The following BORCS5 variants were observed in gnomAD, a reference collection of about 807,000 sequenced individuals.
BORCS5 encodes the protein BLOC-1-related complex subunit 5.
In BORCS5, 17 loss-of-function variants were observed where a neutral mutation model predicts 22.1. The observed-to-expected ratio is 0.77, with a 90% CI of 0.53 to 1.15. BORCS5 has a LOEUF of 1.15. Among genes scored for constraint, BORCS5 ranks in the 50% most tolerant of loss-of-function variants. BORCS5 has a pLI of 0.00. For synonymous variants in BORCS5, 117 were observed against 99.8 expected, an observed-to-expected ratio of 1.17 and a Z score of -1.03; for missense variants, 247 against 253.2, an observed-to-expected ratio of 0.98 and a Z score of 0.17.
chr12:12,434,364 A>G (rs1185159467), intron 2 of BORCS5, among the ~76,000 whole-genome samples: 1 of 150,346 alleles, frequency 6.7e-6, no homozygotes, highest in Non-Finnish European at 1.5e-5. Flanking sequence ...CTTGTGCTGT[A>G]GCATTGGCTC....
intron 2 of BORCS5, among the ~76,000 whole-genome samples, chr12:12,429,725 G>T (rs2136117103): frequency 6.6e-6 from 1 of 152,306 alleles, no homozygotes. Flanking sequence ...AGAGGTAGAA[G>T]TGAGAGTTTT....
At chr12:12,389,936 G>A (rs1357361708) in intron 2 of BORCS5, among the ~76,000 whole-genome samples, 2 of 152,058 alleles carry the variant, frequency 1.3e-5, no homozygotes, top group Admixed American at 6.6e-5. Flanking sequence ...GAGGCACTGC[G>A]CCTGGCCTCA....
chr12:12,391,197 C>G (rs1007695232), intron 2 of BORCS5, among the ~76,000 whole-genome samples: 31 of 152,028 alleles, frequency 2.0e-4, no homozygotes, highest in African/African-American at 6.8e-4. Flanking sequence ...TTGGCCTCAA[C>G]CTTACTCAAG....
At chr12:12,435,823 G>A in intron 3 of BORCS5, 38 bp downstream of exon 3, 1 of 1,588,864 alleles carries the variant, frequency 6.3e-7, no homozygotes, top group Non-Finnish European at 8.6e-7. Context: ...CTGACTGGTT[G>A]TTGTGATTCT....
Position 12,427,018 on chromosome 12 carries a change from C to T in BORCS5, c.203-8610C>T, listed in dbSNP as rs542788520. On this transcript the variant is annotated intron_variant, in intron 2 of 3. Coordinates refer to ENST00000314565, the MANE Select transcript of BORCS5 (RefSeq NM_058169.6). ...TGCCGTTGCCCCCTCGAGGTTAGCACTCCTCTGAGGTCACAGGGTGGGGAT... is the reference window on the plus strand; with the variant it reads ...TGCCGTTGCCCCCTCGAGGTTAGCATTCCTCTGAGGTCACAGGGTGGGGAT... Among the ~76,000 whole-genome samples the T allele has an allele frequency of 4.6e-5, 7 of 152,274 alleles. No homozygotes were observed. The South Asian group carries it at 1.5e-3, about 32-fold the overall frequency.
At position 12,393,142 on chromosome 12, in the gene BORCS5, G is replaced by A. The variant is rs770349285; in HGVS notation, c.202+31793G>A. 2.9e-4 allele frequency among the ~76,000 whole-genome samples: 44 copies of A among 151,946 alleles called. 1 individual carries two copies. The highest frequency in any genetic ancestry group is 5.6e-4 in the Non-Finnish European group (38 of 67,996). The stretch of plus-strand genomic sequence containing the variant: ...TCCCAGCTACTTGGGAGGCTGGGGC[G>A]GGAGGATCCTTGAGCTCAGGAGGCA... On this transcript the variant is annotated intron_variant, in intron 2 of 3. Transcript: ENST00000314565.
Position 12,357,357 on chromosome 12 carries a change from T to C in BORCS5, c.-95T>C. ...TGCGGCGCCCAGACTCTGCTTTGCC[T>C]CCCCGTCCCGGTCCCTGGCCCCTGC... On this transcript the variant is annotated 5_prime_UTR_variant, in exon 1 of 4. Transcript: ENST00000314565. 1.8e-5 allele frequency: 27 copies of C among 1,511,436 alleles called. No individual in the cohort carries two copies. The highest frequency in any genetic ancestry group is 2.3e-5 in the Non-Finnish European group (26 of 1,123,610). The allele number at this position is 1,511,436 out of a possible 1,614,324, so 93.6% of individuals were successfully genotyped here.
At chr12:12,406,557 T>A (rs183401207) in intron 2 of BORCS5, among the ~76,000 whole-genome samples, 22 of 152,324 alleles carry the variant, frequency 1.4e-4, no homozygotes, top group Middle Eastern at 3.4e-3. Context: ...TTTTCTTGCA[T>A]CCTTTTCTGA....
At chr12:12,410,370 G>T (rs1011884415) in intron 2 of BORCS5, among the ~76,000 whole-genome samples, 31 of 152,228 alleles carry the variant, frequency 2.0e-4, no homozygotes, top group Non-Finnish European at 3.1e-4. Context: ...GTCTAACATT[G>T]AAGTCTTTAA....
intron 3 of BORCS5, among the ~76,000 whole-genome samples, chr12:12,440,823 C>T (rs1000789199): frequency 4.6e-5 from 7 of 152,162 alleles, no homozygotes. Context: ...TGGTCCAGTG[C>T]TCTCATTATT....
chr12:12,370,308 C>T (rs1339641986), intron 2 of BORCS5, among the ~76,000 whole-genome samples: 1 of 152,088 alleles, frequency 6.6e-6, no homozygotes, highest in African/African-American at 2.4e-5. Context: ...GCATATCTTG[C>T]AGTACAGGTC....
chr12:12,382,613 A>C (rs1863798650), intron 2 of BORCS5, among the ~76,000 whole-genome samples: 1 of 149,556 alleles, frequency 6.7e-6, no homozygotes, highest in Admixed American at 6.7e-5. Context: ...GTTTCCTGCA[A>C]CCTCTGCCTC....
intron 2 of BORCS5, among the ~76,000 whole-genome samples, chr12:12,432,358 A>G (rs1942451534): frequency 6.6e-6 from 1 of 152,176 alleles, no homozygotes; most frequent in Non-Finnish European, 1.5e-5. Flanking sequence ...GTTCCTGGAA[A>G]TGTATTTCTT....
intron 2 of BORCS5, among the ~76,000 whole-genome samples, chr12:12,410,776 A>G (rs936152649): frequency 1.3e-5 from 2 of 152,210 alleles, no homozygotes; most frequent in African/African-American, 4.8e-5. Flanking sequence ...AGTCATTGGT[A>G]GCTTGATGGG....
At chr12:12,358,826 G>A (rs12821572) in intron 1 of BORCS5, among the ~76,000 whole-genome samples, 6,119 of 152,244 alleles carry the variant, frequency 0.04, 162 homozygotes, top group Non-Finnish European at 0.058. Context: ...TTCTGGCATG[G>A]CTTTTGTAAA....
chr12:12,358,466 G>GT (rs1159615891), intron 1 of BORCS5, among the ~76,000 whole-genome samples: 1 of 152,150 alleles, frequency 6.6e-6, no homozygotes, highest in Non-Finnish European at 1.5e-5. Context: ...GCTTTGCTAC[G>GT]TTTTTCTATT....
intron 2 of BORCS5, among the ~76,000 whole-genome samples, chr12:12,415,675 A>C (rs1941927670): frequency 6.6e-6 from 1 of 150,978 alleles, no homozygotes; most frequent in African/African-American, 2.4e-5. Context: ...CCAGGAATAA[A>C]TCTCACTTGG....
intron 3 of BORCS5, among the ~76,000 whole-genome samples, chr12:12,440,014 T>TATA (rs1468004066): frequency 6.6e-6 from 1 of 152,248 alleles, no homozygotes. Flanking sequence ...CATAATGCTA[T>TATA]GTGTTGACAA....
intron 2 of BORCS5, among the ~76,000 whole-genome samples, chr12:12,391,912 G>C (rs1555147737): frequency 3.6e-4 from 1 of 2,810 alleles, no homozygotes; most frequent in Non-Finnish European, 8.4e-4. Context: ...CAGGCATGGG[G>C]GTTTGCTCCT....
Sources: allele counts gnomAD v4.1 joint callset (sites outside exome capture counted in the v4.1 genomes callset), GRCh38; gene constraint gnomAD v4.1.1; transcripts MANE v1.5; gene names NCBI Gene and HGNC (gene_info 2026-07-23, HGNC 2026-07-21).